Variants in RIPOR2 observed in about 807,000 individuals in gnomAD.
RIPOR2 encodes the protein rho family-interacting cell polarization regulator 2.
In RIPOR2, 39 loss-of-function variants were observed where a neutral mutation model predicts 114.5. That is an observed-to-expected ratio of 0.34 (90% CI 0.26 to 0.44). RIPOR2 has a LOEUF of 0.44. Ranked by LOEUF, RIPOR2 falls within the 20% of genes least tolerant of loss-of-function variation. The pLI is 1.00. For missense variants in RIPOR2, 1,007 were observed against 1,255.1 expected (o/e 0.80, Z 2.99); for synonymous variants, 445 against 484.4 (o/e 0.92, Z 1.07).
chr6:24,846,462 C>T (rs1762299429), intron 12 of RIPOR2, among the ~76,000 whole-genome samples: 1 of 151,992 alleles, frequency 6.6e-6, no homozygotes, highest in African/African-American at 2.4e-5. Context: ...TGTACCACCA[C>T]AACAGGGTAA....
intron 1 of RIPOR2, among the ~76,000 whole-genome samples, chr6:25,034,978 A>G (rs972917001): frequency 2.0e-5 from 3 of 152,240 alleles, no homozygotes; most frequent in African/African-American, 7.2e-5. Flanking sequence ...AGGAAGGAAG[A>G]GGGTAAGCCT....
At chr6:25,002,053 T>C (rs910037821) in intron 1 of RIPOR2, among the ~76,000 whole-genome samples, 2 of 152,152 alleles carry the variant, frequency 1.3e-5, no homozygotes, top group Admixed American at 1.3e-4. Context: ...TCTACCATTG[T>C]AGTTGAAAAC....
At chr6:25,005,457 C>T (rs1221785806) in intron 1 of RIPOR2, among the ~76,000 whole-genome samples, 10 of 151,818 alleles carry the variant, frequency 6.6e-5, no homozygotes, top group Admixed American at 6.6e-4. Flanking sequence ...ATTTTCCTAC[C>T]TGTGCAATTG....
intron 1 of RIPOR2, among the ~76,000 whole-genome samples, chr6:24,909,704 C>T (rs1267493294): frequency 1.3e-5 from 2 of 152,008 alleles, no homozygotes; most frequent in African/African-American, 4.8e-5. Flanking sequence ...AGCGTGTGGA[C>T]GTAAGAGGGT....
At position 24,875,509 on chromosome 6, in the gene RIPOR2, A is replaced by G. The variant is rs1403479243; in HGVS notation, c.188+182T>C. 3.3e-5 allele frequency among the ~76,000 whole-genome samples: 5 copies of G among 152,252 alleles called. No homozygotes were observed. The South Asian group carries it at 1.0e-3, about 32-fold the overall frequency. On this transcript the variant is annotated intron_variant, in intron 2 of 21. Transcript: ENST00000643898. ...CCATCATCCTTGCAGGAGGAATTCT[A>G]AATGATAGAAAATAAACTATAGCAC...
chr6:24,851,749 GA>G (rs961386017), intron 9 of RIPOR2, among the ~76,000 whole-genome samples: 1,983 of 130,942 alleles, frequency 0.015, 18 homozygotes, highest in South Asian at 0.024. Context: ...CTTGGATCAG[GA>G]AAAAAAAAAA....
intron 1 of RIPOR2, among the ~76,000 whole-genome samples, chr6:25,033,131 G>A (rs904581019): frequency 6.6e-6 from 1 of 152,104 alleles, no homozygotes; most frequent in Non-Finnish European, 1.5e-5. Context: ...TTGATCCCAG[G>A]GGTTCGAGGC....
At chr6:24,977,608 T>A (rs1774124357) in intron 1 of RIPOR2, among the ~76,000 whole-genome samples, 1 of 152,172 alleles carries the variant, frequency 6.6e-6, no homozygotes, top group South Asian at 2.1e-4. Flanking sequence ...AATAAACATT[T>A]TCTAGTTTTG....
chr6:24,913,653 C>T (rs1329340629), intron 1 of RIPOR2, among the ~76,000 whole-genome samples: 2 of 152,208 alleles, frequency 1.3e-5, no homozygotes, highest in Non-Finnish European at 2.9e-5. Flanking sequence ...GTCTAAAGGT[C>T]TTCACACCGC....
At chr6:25,033,178 C>G (rs753611755) in intron 1 of RIPOR2, among the ~76,000 whole-genome samples, 1 of 150,112 alleles carries the variant, frequency 6.7e-6, no homozygotes, top group Admixed American at 6.7e-5. Context: ...CGGCGCCACA[C>G]GCCTGGGTGA....
In RIPOR2 at chr6:24,843,758, AAAC is replaced by A. The variant is rs201771852; in HGVS notation, c.1165-207_1165-205del. 3.7e-3 allele frequency among the ~76,000 whole-genome samples: 559 copies of A among 151,398 alleles called. 2 individuals are homozygous for A. Among genetic ancestry groups the A allele is most frequent in the African/African-American group, 0.012 (499 of 41,188 alleles). Reference sequence around the variant, plus strand: ...GTGTGTGTGTGTATCTGGCAAAAGAAAACAGACCATCAAGGACTGTTTCTATTG... The same window carrying A: ...GTGTGTGTGTGTATCTGGCAAAAGAAAGACCATCAAGGACTGTTTCTATTG... On this transcript the variant is annotated intron_variant, in intron 12 of 21. Coordinates refer to ENST00000643898, the MANE Select transcript of RIPOR2 (RefSeq NM_001286445.3).
chr6:25,006,834 C>T (rs1266052738), intron 1 of RIPOR2, among the ~76,000 whole-genome samples: 1 of 152,256 alleles, frequency 6.6e-6, no homozygotes, highest in Non-Finnish European at 1.5e-5. Flanking sequence ...AACATGCACT[C>T]TTTTCAGCTG....
chr6:24,852,645 G>T (rs1763075948), intron 8 of RIPOR2, 27 bp from the exon 9 acceptor site: 37 of 1,568,866 alleles, frequency 2.4e-5, no homozygotes, highest in Non-Finnish European at 3.1e-5. Context: ...GGAAGGTGAG[G>T]TGTAGAACAT....
rs138865347 is a variant in RIPOR2, at chr6:24,837,398, G to A, written c.2040-1527C>T. Among the ~76,000 whole-genome samples, 168 of 152,172 alleles carry A rather than the reference G, an allele frequency of 1.1e-3. 3 individuals are homozygous for A. The East Asian group carries it at 0.032, about 29-fold the overall frequency. On this transcript the variant is annotated intron_variant, in intron 14 of 21. Transcript: ENST00000643898. ...GCTTCCCAAAGTGCTGGGATTACAG[G>A]AGTGAGCCACCACTCCCGGCCTTAT... is the stretch of plus-strand genomic sequence containing the variant.
chr6:24,881,112 C>T (rs933808439), intron 1 of RIPOR2, among the ~76,000 whole-genome samples: 8 of 151,998 alleles, frequency 5.3e-5, no homozygotes, highest in South Asian at 2.1e-4. Context: ...GGCGTGGTGG[C>T]GGGTGCCTGT....
chr6:24,842,849 A>T lies in RIPOR2; in HGVS notation c.1857+13T>A. 3 of 1,407,996 alleles carry T rather than the reference A, an allele frequency of 2.1e-6. No individual in the cohort carries two copies. Among genetic ancestry groups the T allele is most frequent in the Non-Finnish European group, 2.8e-6 (3 of 1,069,312 alleles). The allele number at this position is 1,407,996 out of a possible 1,614,324, so 87.2% of individuals were successfully genotyped here. On this transcript the variant is annotated intron_variant, in intron 13 of 21. Transcript: ENST00000643898. ...CTCCAAACCTAATCCAATTTCTCTG[A>T]AAAGGTACTTACTTTTAGAATATCA...
At chr6:24,838,921 G>T (rs188180584) in intron 14 of RIPOR2, among the ~76,000 whole-genome samples, 170 bp downstream of exon 14, 68 of 152,130 alleles carry the variant, frequency 4.5e-4, no homozygotes, top group Admixed American at 9.8e-4. Flanking sequence ...GAATAATATT[G>T]ACCCTTTTAT....
chr6:24,961,663 T>C (rs988259624), intron 1 of RIPOR2, among the ~76,000 whole-genome samples: 5 of 151,366 alleles, frequency 3.3e-5, no homozygotes, highest in Non-Finnish European at 7.4e-5. Context: ...AGTCTCGCTC[T>C]GTCACCCAGG....
At chr6:24,840,682 G>A (rs544522012) in intron 13 of RIPOR2, 20 of 1,534,640 alleles carry the variant, frequency 1.3e-5, no homozygotes, top group East Asian at 4.9e-5. Flanking sequence ...AACGTCTTTC[G>A]GTCTTTTAAA....
Sources: allele counts gnomAD v4.1 joint callset (sites outside exome capture counted in the v4.1 genomes callset), GRCh38; gene constraint gnomAD v4.1.1; transcripts MANE v1.5; gene names NCBI Gene and HGNC (gene_info 2026-07-23, HGNC 2026-07-21).